ABLIM1: variants seen among roughly 807,000 people sequenced by gnomAD.
ABLIM1 encodes the protein actin binding LIM protein 1.
ABLIM1 carries 40 observed loss-of-function variants against 107.0 expected under a neutral mutation model. The ratio of observed to expected loss-of-function variants is 0.37; its 90% CI spans 0.29 to 0.49. The LOEUF is 0.49. ABLIM1 is among the 20% of genes least tolerant of loss of function. The pLI, the probability that ABLIM1 is intolerant of heterozygous loss-of-function variation, is 0.97. For missense variants in ABLIM1, 857 were observed against 1,008.5 expected (o/e 0.85, Z 2.04); for synonymous variants, 357 against 357.3 (o/e 1.00, Z 0.01).
At chr10:114,537,325 G>A (rs1441748005) in intron 6 of ABLIM1, among the ~76,000 whole-genome samples, 1 of 152,044 alleles carries the variant, frequency 6.6e-6, no homozygotes, top group African/African-American at 2.4e-5. Flanking sequence ...TGCATATAAT[G>A]TATAATGCTC....
chr10:114,770,262 A>G (rs1464846661), upstream of ABLIM1, among the ~76,000 whole-genome samples: 3 of 152,194 alleles, frequency 2.0e-5, no homozygotes. Flanking sequence ...ATTATGTACC[A>G]GTCTCTAGGG....
intron 1 of ABLIM1, among the ~76,000 whole-genome samples, chr10:114,646,810 C>G (rs1287977007): frequency 6.6e-6 from 1 of 152,052 alleles, no homozygotes; most frequent in African/African-American, 2.4e-5. Context: ...TGTGTTGGAT[C>G]CTGTTTGCAT....
rs1380460034 is a variant in ABLIM1 at position 114,704,302 on chromosome 10, C to CTCTCTATATATATA, written c.-213+63758_-213+63759insTATATATATAGAGA. Among the ~76,000 whole-genome samples, 3 of 43,088 alleles carry CTCTCTATATATATA rather than the reference C, an allele frequency of 7.0e-5. No homozygotes were observed. The Admixed American group carries it at 7.0e-4, about 10-fold the overall frequency. 28.3% of individuals were successfully genotyped at this position (43,088 alleles called of 152,430 possible). A position where few individuals can be genotyped will look rare whatever the true frequency, so the allele number is the denominator to read the frequency against. ...TCTCTCTCTCTCTCTCTCTCTCTCT[C>CTCTCTATATATATA]TATATATATATATATATATATATAT... is the stretch of plus-strand genomic sequence containing the variant. On this transcript the variant is annotated intron_variant, in intron 1 of 15. Coordinates refer to the ABLIM1 transcript ENST00000651092.
intron 8 of ABLIM1, among the ~76,000 whole-genome samples, chr10:114,477,659 T>A (rs1429032571): frequency 6.6e-6 from 1 of 152,204 alleles, no homozygotes; most frequent in Admixed American, 6.5e-5. Flanking sequence ...CTTCCAGGGA[T>A]GAAGAGCTTC....
At chr10:114,761,108 G>A (rs959190407) in intron 1 of ABLIM1, among the ~76,000 whole-genome samples, 1 of 152,124 alleles carries the variant, frequency 6.6e-6, no homozygotes, top group South Asian at 2.1e-4. Flanking sequence ...ACATCACCAT[G>A]AAAGAAACCG....
At chr10:114,730,630 T>A (rs890723159) in intron 1 of ABLIM1, among the ~76,000 whole-genome samples, 1 of 152,162 alleles carries the variant, frequency 6.6e-6, no homozygotes, top group Non-Finnish European at 1.5e-5. Context: ...AATATCTATA[T>A]GATTTTTTCA....
intron 8 of ABLIM1, among the ~76,000 whole-genome samples, chr10:114,480,515 G>A (rs1040513630): frequency 6.6e-6 from 1 of 152,210 alleles, no homozygotes; most frequent in Non-Finnish European, 1.5e-5. Flanking sequence ...GAGAAATTCA[G>A]TTCTTCCTTT....
At chr10:114,449,146 C>T (rs892677443) in intron 14 of ABLIM1, among the ~76,000 whole-genome samples, 5 of 152,182 alleles carry the variant, frequency 3.3e-5, no homozygotes, top group South Asian at 2.1e-4. Flanking sequence ...ATTGGCTATG[C>T]TTAGAGGAGG....
chr10:114,670,116 G>C (rs2080187966), intron 1 of ABLIM1, among the ~76,000 whole-genome samples: 1 of 152,170 alleles, frequency 6.6e-6, no homozygotes, highest in East Asian at 1.9e-4. Context: ...TGGAAACAAA[G>C]TCAGACCAGC....
intron 1 of ABLIM1, among the ~76,000 whole-genome samples, chr10:114,699,560 C>T (rs1303750075): frequency 6.6e-6 from 1 of 151,876 alleles, no homozygotes; most frequent in Non-Finnish European, 1.5e-5. Context: ...GTGATAATGT[C>T]CTCATTCTAC....
intron 6 of ABLIM1, among the ~76,000 whole-genome samples, chr10:114,497,655 C>G (rs1309173366): frequency 7.6e-6 from 1 of 131,832 alleles, no homozygotes; most frequent in Non-Finnish European, 1.5e-5. Context: ...GCACTCCAGC[C>G]TGGGCAACAG....
chr10:114,598,633 G>C (rs1342746863), intron 2 of ABLIM1, among the ~76,000 whole-genome samples: 5 of 151,744 alleles, frequency 3.3e-5, no homozygotes. Context: ...AAAAAGAAAT[G>C]TGTCTAGTCT....
intron 11 of ABLIM1, among the ~76,000 whole-genome samples, chr10:114,467,901 T>G (rs1418187850): frequency 6.6e-6 from 1 of 152,174 alleles, no homozygotes; most frequent in African/African-American, 2.4e-5. Flanking sequence ...TTGGGACAAG[T>G]GACTTATGTT....
exon 1 of ABLIM1, chr10:114,684,656 G>T (rs537986604): frequency 8.7e-7 from 1 of 1,146,990 alleles, no homozygotes; most frequent in Non-Finnish European, 1.1e-6. Flanking sequence ...GCTCAATGAC[G>T]CCACACCCAC....
chr10:114,617,149 G>A (rs1247040163), intron 1 of ABLIM1, among the ~76,000 whole-genome samples: 2 of 152,106 alleles, frequency 1.3e-5, no homozygotes, highest in Non-Finnish European at 2.9e-5. Flanking sequence ...AGAAAGAGAA[G>A]GATATATACT....
At chr10:114,793,416 C>T in the ABLIM1 span, among the ~76,000 whole-genome samples, 1 of 152,070 alleles carries the variant, frequency 6.6e-6, no homozygotes, top group Non-Finnish European at 1.5e-5. Context: ...CTGAGGCCTC[C>T]CCACAACCAA....
chr10:114,786,463 C>G, the ABLIM1 span, among the ~76,000 whole-genome samples: 1 of 152,136 alleles, frequency 6.6e-6, no homozygotes, highest in Admixed American at 6.5e-5. Flanking sequence ...TAGTTTTGAG[C>G]ACCTTCAAAT....
chr10:114,658,274 C>G lies in ABLIM1; in HGVS notation c.-74G>C. The G allele has an allele frequency of 6.5e-7, 1 of 1,527,694 alleles. No individual in the cohort carries two copies. Among genetic ancestry groups the G allele is most frequent in the Non-Finnish European group, 8.8e-7 (1 of 1,137,154 alleles). 94.6% of individuals were successfully genotyped at this position (1,527,694 alleles called of 1,614,324 possible). On this transcript the variant is annotated 5_prime_UTR_variant, in exon 1 of 23. Transcript: ENST00000533213. ...GAGCGGTGCTGCCCCACAATTCTCT[C>G]TGTTCCCCTGGCTCCTTACTGTCTC...
chr10:114,714,345 T>C (rs1331376377), intron 1 of ABLIM1, among the ~76,000 whole-genome samples: 2 of 152,200 alleles, frequency 1.3e-5, no homozygotes, highest in Non-Finnish European at 2.9e-5. Context: ...CACAGGTCTA[T>C]GGACATGGAG....
Sources: allele counts gnomAD v4.1 joint callset (sites outside exome capture counted in the v4.1 genomes callset), GRCh38; gene constraint gnomAD v4.1.1; transcripts MANE v1.5; gene names NCBI Gene and HGNC (gene_info 2026-07-23, HGNC 2026-07-21).